RNF220: variants seen among roughly 807,000 people sequenced by gnomAD.
The protein encoded by RNF220 is ring finger protein 220, also known as E3 ubiquitin-protein ligase RNF220.
Under a neutral mutation model 67.1 loss-of-function variants are expected in RNF220, and 7 were observed. The ratio of observed to expected loss-of-function variants is 0.10; its 90% CI spans 0.06 to 0.20. The LOEUF (loss-of-function observed/expected upper bound fraction) is 0.20, where lower values mean the gene tolerates loss of function less well. Among genes scored for constraint, RNF220 ranks in the 10% least tolerant of loss-of-function variants. The pLI is 1.00. For synonymous variants in RNF220, 270 were observed against 283.2 expected (o/e 0.95, Z 0.47); for missense variants, 565 against 740.3 (o/e 0.76, Z 2.75).
chr1:44,480,451 A>G (rs1384597128), intron 2 of RNF220, among the ~76,000 whole-genome samples: 4 of 152,104 alleles, frequency 2.6e-5, no homozygotes, highest in Non-Finnish European at 4.4e-5. Flanking sequence ...AGATGAAATG[A>G]AAATGAATGG....
chr1:44,407,748 C>T (rs1187235782), intron 1 of RNF220, among the ~76,000 whole-genome samples: 1 of 152,180 alleles, frequency 6.6e-6, no homozygotes, highest in Non-Finnish European at 1.5e-5. Context: ...GGCCCGGCAG[C>T]CCCGCGCCGG....
chr1:44,549,858 G>A (rs1472132544), intron 2 of RNF220, among the ~76,000 whole-genome samples: 1 of 152,224 alleles, frequency 6.6e-6, no homozygotes, highest in Non-Finnish European at 1.5e-5. Context: ...TGAGTAGGGG[G>A]TGGGCAGTAG....
chr1:44,574,845 T>C (rs1385227334), intron 2 of RNF220, among the ~76,000 whole-genome samples: 1 of 147,070 alleles, frequency 6.8e-6, no homozygotes, highest in Admixed American at 6.8e-5. Context: ...TTTGTTGTTG[T>C]TGTTGTTTTG....
At chr1:44,521,516 T>C (rs951578589) in intron 2 of RNF220, among the ~76,000 whole-genome samples, 3 of 152,192 alleles carry the variant, frequency 2.0e-5, no homozygotes, top group Non-Finnish European at 4.4e-5. Context: ...ATGTATAAGC[T>C]GACCTGAAAG....
At chr1:44,646,277 G>A (rs1022657829) in intron 12 of RNF220, among the ~76,000 whole-genome samples, 8 of 152,258 alleles carry the variant, frequency 5.3e-5, no homozygotes, top group East Asian at 3.8e-4. Flanking sequence ...GTGCAGGGCC[G>A]GGTCGGTGGC....
chr1:44,446,223 G>A (rs1396605642), intron 2 of RNF220, among the ~76,000 whole-genome samples: 2 of 152,142 alleles, frequency 1.3e-5, no homozygotes, highest in African/African-American at 4.8e-5. Flanking sequence ...CTAGTTCAAA[G>A]TAAAATTTTA....
chr1:44,554,758 G>A (rs1662935174), intron 2 of RNF220, among the ~76,000 whole-genome samples: 1 of 152,120 alleles, frequency 6.6e-6, no homozygotes, highest in South Asian at 2.1e-4. Flanking sequence ...TTCATAGCAA[G>A]CAGGTAGAAG....
intron 5 of RNF220, among the ~76,000 whole-genome samples, chr1:44,628,928 C>T (rs535302105): frequency 9.2e-5 from 14 of 152,336 alleles, no homozygotes; most frequent in South Asian, 2.1e-4. Flanking sequence ...GGTATGTTTC[C>T]GTTATCTACA....
chr1:44,568,909 CCAGA>C (rs35948844), intron 2 of RNF220, among the ~76,000 whole-genome samples: 13,991 of 152,154 alleles, frequency 0.092, 678 homozygotes, highest in African/African-American at 0.13. Context: ...TGGTTTGGGT[CCAGA>C]CAGACTGGGT....
intron 2 of RNF220, among the ~76,000 whole-genome samples, chr1:44,473,268 TG>T (rs1295450089): frequency 1.3e-5 from 2 of 152,110 alleles, no homozygotes; most frequent in East Asian, 3.9e-4. Context: ...AGTTTTACAG[TG>T]GAACGGTTTC....
chr1:44,532,710 T>G (rs965720564), intron 2 of RNF220, among the ~76,000 whole-genome samples: 4 of 152,260 alleles, frequency 2.6e-5, no homozygotes, highest in African/African-American at 9.6e-5. Context: ...GCTTGTTGTA[T>G]GACTGATGCA....
At chr1:44,438,508 C>T (rs980512728) in intron 2 of RNF220, among the ~76,000 whole-genome samples, 5 of 152,158 alleles carry the variant, frequency 3.3e-5, no homozygotes, top group African/African-American at 9.7e-5. Context: ...TTCATTAATT[C>T]GAGTACTTAT....
intron 8 of RNF220, 130 bp from the exon 9 acceptor site, chr1:44,644,568 T>C: frequency 3.1e-6 from 2 of 647,964 alleles, no homozygotes; most frequent in East Asian, 2.7e-5. Flanking sequence ...TCTGGCTCTA[T>C]ACATCCCAGG....
At chr1:44,554,413 G>T (rs1434545112) in intron 2 of RNF220, among the ~76,000 whole-genome samples, 1 of 151,974 alleles carries the variant, frequency 6.6e-6, no homozygotes, top group Non-Finnish European at 1.5e-5. Flanking sequence ...TACTCCCCTA[G>T]CCTAGAACTG....
intron 8 of RNF220, chr1:44,636,515 G>A (rs1303103626): frequency 2.8e-6 from 2 of 701,794 alleles, no homozygotes; most frequent in East Asian, 5.4e-5. Context: ...TCTTAAGGCT[G>A]ATAAATGAGA....
At chr1:44,406,947 C>T (rs555295692) in intron 1 of RNF220, among the ~76,000 whole-genome samples, 2 of 152,168 alleles carry the variant, frequency 1.3e-5, no homozygotes, top group African/African-American at 2.4e-5. Flanking sequence ...CCCGAAGTAG[C>T]GGGGACTAGG....
chr1:44,431,357 G>A (rs1023338195), intron 2 of RNF220, among the ~76,000 whole-genome samples: 5 of 151,958 alleles, frequency 3.3e-5, no homozygotes, highest in African/African-American at 7.2e-5. Flanking sequence ...CAGGTGTAGT[G>A]GCCTGCGCCT....
chr1:44,530,453 C>A (rs1185802212), intron 2 of RNF220, among the ~76,000 whole-genome samples: 1 of 147,932 alleles, frequency 6.8e-6, no homozygotes, highest in Non-Finnish European at 1.5e-5. Flanking sequence ...GAGGAAGTTT[C>A]AACATTTTTA....
intron 2 of RNF220, among the ~76,000 whole-genome samples, chr1:44,472,026 A>C (rs1056373618): frequency 6.6e-6 from 1 of 152,184 alleles, no homozygotes; most frequent in Non-Finnish European, 1.5e-5. Flanking sequence ...AAGTTTTACT[A>C]CTATTGTAGC....
Sources: gnomAD v4.1 joint callset for allele counts (sites outside exome capture counted in the v4.1 genomes callset) on GRCh38, gnomAD v4.1.1 for gene constraint, MANE v1.5 for transcripts, NCBI Gene and HGNC (gene_info 2026-07-23, HGNC 2026-07-21) for gene names.